The following CSMD3 variants were observed in gnomAD, a reference collection of about 807,000 sequenced individuals.
The protein encoded by CSMD3 is CUB and sushi domain-containing protein 3.
In CSMD3, 177 loss-of-function variants were observed where a neutral mutation model predicts 435.2. The observed-to-expected ratio is 0.41, with a 90% CI of 0.36 to 0.46. CSMD3 has a LOEUF of 0.46. Ranked by LOEUF, CSMD3 falls within the 20% of genes least tolerant of loss-of-function variation. The probability of loss-of-function intolerance (pLI) is 0.34; values close to 1 mark genes in which losing one functional copy is unlikely to be tolerated. For synonymous variants in CSMD3, 1,656 were observed against 1,520.5 expected, an observed-to-expected ratio of 1.09 and a Z score of -2.07; for missense variants, 4,265 against 4,504.6, an observed-to-expected ratio of 0.95 and a Z score of 1.52.
At chr8:112,273,189 T>G in intron 59 of CSMD3, among the ~76,000 whole-genome samples, 1 of 152,230 alleles carries the variant, frequency 6.6e-6, no homozygotes, top group African/African-American at 2.4e-5. Flanking sequence ...AATAGGAATG[T>G]TTATTTATTT....
chr8:113,140,092 G>A (rs540926451), intron 4 of CSMD3, among the ~76,000 whole-genome samples: 13 of 150,862 alleles, frequency 8.6e-5, no homozygotes, highest in Admixed American at 3.3e-4. Flanking sequence ...AACTTACTAC[G>A]TGTTATCATA....
intron 9 of CSMD3, 48 bp from the exon 10 acceptor site, chr8:112,921,799 A>G (rs915558983): frequency 1.4e-6 from 2 of 1,456,950 alleles, no homozygotes; most frequent in Middle Eastern, 1.7e-4. Context: ...GATGCAACAT[A>G]ATAACTAGGC....
intron 10 of CSMD3, among the ~76,000 whole-genome samples, chr8:112,895,625 G>A (rs2081928744): frequency 6.6e-6 from 1 of 151,360 alleles, no homozygotes; most frequent in Non-Finnish European, 1.5e-5. Context: ...TGAGCGAGGG[G>A]AATCAAAGAC....
intron 2 of CSMD3, among the ~76,000 whole-genome samples, chr8:113,290,953 T>C (rs1303710207): frequency 6.6e-6 from 1 of 151,270 alleles, no homozygotes; most frequent in Non-Finnish European, 1.5e-5. Context: ...AATTACCCAT[T>C]TATATAATAA....
chr8:112,699,705 A>G (rs1380194796), intron 13 of CSMD3, among the ~76,000 whole-genome samples: 1 of 152,184 alleles, frequency 6.6e-6, no homozygotes, highest in African/African-American at 2.4e-5. Context: ...TGATGTCCTG[A>G]GAGGCGAGCA....
At chr8:112,627,983 T>C (rs531917494) in intron 22 of CSMD3, among the ~76,000 whole-genome samples, 58 of 152,262 alleles carry the variant, frequency 3.8e-4, no homozygotes, top group Non-Finnish European at 4.0e-4. Context: ...TAAAATAAAT[T>C]CAGATATTTA....
At chr8:112,446,505 T>C (rs1815622141) in intron 32 of CSMD3, among the ~76,000 whole-genome samples, 1 of 152,250 alleles carries the variant, frequency 6.6e-6, no homozygotes, top group Admixed American at 6.5e-5. Flanking sequence ...TAAAGGCATT[T>C]TAAAATTTAC....
At chr8:112,504,113 T>C in intron 29 of CSMD3, 136 bp from the exon 30 acceptor site, 2 of 572,074 alleles carry the variant, frequency 3.5e-6, no homozygotes, top group East Asian at 3.0e-5. Flanking sequence ...CAAAATAAGC[T>C]AATATAAAAA....
At chr8:112,882,128 C>T (rs1417068380) in intron 10 of CSMD3, among the ~76,000 whole-genome samples, 1 of 151,720 alleles carries the variant, frequency 6.6e-6, no homozygotes, top group Non-Finnish European at 1.5e-5. Flanking sequence ...TCATTCAGAG[C>T]TATACAGATG....
intron 13 of CSMD3, among the ~76,000 whole-genome samples, chr8:112,725,878 T>G (rs2076953767): frequency 6.6e-6 from 1 of 151,986 alleles, no homozygotes; most frequent in South Asian, 2.1e-4. Flanking sequence ...TTGCAACCTG[T>G]GTATGAATGC....
At chr8:112,255,197 T>C (rs1461218886) in intron 62 of CSMD3, 57 bp downstream of exon 62, 13 of 1,393,248 alleles carry the variant, frequency 9.3e-6, no homozygotes, top group East Asian at 2.3e-5. Flanking sequence ...AACCATTAAA[T>C]GTCACCCCTA....
chr8:112,386,777 G>A (rs990692195), intron 36 of CSMD3, among the ~76,000 whole-genome samples: 18 of 152,130 alleles, frequency 1.2e-4, no homozygotes, highest in African/African-American at 3.6e-4. Flanking sequence ...GATTACAGGC[G>A]TGAGCCACCG....
intron 70 of CSMD3, 35 bp from the exon 71 acceptor site, chr8:112,224,965 C>CACA (rs1364317540): frequency 6.2e-7 from 1 of 1,605,732 alleles, no homozygotes; most frequent in Non-Finnish European, 8.5e-7. Flanking sequence ...TATGTGTTAA[C>CACA]TTTCTTCCAG....
intron 13 of CSMD3, among the ~76,000 whole-genome samples, chr8:112,718,463 G>C (rs1367832306): frequency 6.6e-6 from 1 of 151,272 alleles, no homozygotes; most frequent in Non-Finnish European, 1.5e-5. Flanking sequence ...TCTCTCTTCA[G>C]TGTTTTATAT....
intron 1 of CSMD3, among the ~76,000 whole-genome samples, chr8:113,357,704 CTAG>C: frequency 6.6e-6 from 1 of 152,170 alleles, no homozygotes; most frequent in East Asian, 1.9e-4. Context: ...GGGGAGGGAC[CTAG>C]TAGAAGATGA....
At chr8:112,329,976 T>C (rs1229634974) in intron 45 of CSMD3, among the ~76,000 whole-genome samples, 1 of 152,020 alleles carries the variant, frequency 6.6e-6, no homozygotes, top group African/African-American at 2.4e-5. Context: ...ACGATGTCCA[T>C]ACCCCCGTTC....
intron 12 of CSMD3, among the ~76,000 whole-genome samples, chr8:112,808,619 C>T (rs1415423849): frequency 2.0e-5 from 3 of 152,158 alleles, no homozygotes; most frequent in Non-Finnish European, 4.4e-5. Context: ...CCCAAAGCCC[C>T]GCGTCTATCA....
intron 3 of CSMD3, among the ~76,000 whole-genome samples, chr8:113,187,105 G>A (rs1322738873): frequency 6.6e-6 from 1 of 150,912 alleles, no homozygotes; most frequent in Non-Finnish European, 1.5e-5. Context: ...TGGGCGGGGG[G>A]CTGTTAGCAG....
At chr8:113,118,173 A>T (rs925377408) in intron 4 of CSMD3, among the ~76,000 whole-genome samples, 1 of 152,118 alleles carries the variant, frequency 6.6e-6, no homozygotes, top group African/African-American at 2.4e-5. Context: ...TATGTAATAG[A>T]TTTTTTTACC....
Sources: gnomAD v4.1 joint callset for allele counts (sites outside exome capture counted in the v4.1 genomes callset) on GRCh38, gnomAD v4.1.1 for gene constraint, MANE v1.5 for transcripts, NCBI Gene and HGNC (gene_info 2026-07-23, HGNC 2026-07-21) for gene names.